Variants in CYP2C8 observed in about 807,000 individuals in gnomAD.
The protein encoded by CYP2C8 is cytochrome P450 family 2 subfamily C member 8.
In CYP2C8, 51 loss-of-function variants were observed where a neutral mutation model predicts 41.3. The observed-to-expected ratio is 1.24, with a 90% CI of 0.99 to 1.56. The LOEUF is 1.56. CYP2C8 is among the 40% of genes most tolerant of loss of function. CYP2C8 has a pLI of 0.00. For missense variants in CYP2C8, 651 were observed against 579.9 expected (o/e 1.12, Z -1.26); for synonymous variants, 218 against 205.8 (o/e 1.06, Z -0.51).
intron 8 of CYP2C8, among the ~76,000 whole-genome samples, chr10:95,038,214 C>T (rs973871973): frequency 3.9e-5 from 6 of 152,196 alleles, no homozygotes; most frequent in African/African-American, 1.4e-4. Context: ...TCTGGAATCA[C>T]TGCAAAATAA....
intron 5 of CYP2C8, among the ~76,000 whole-genome samples, chr10:95,055,365 A>C (rs1273595273): frequency 6.6e-6 from 1 of 152,122 alleles, no homozygotes; most frequent in Non-Finnish European, 1.5e-5. Flanking sequence ...TTTCAAAAAA[A>C]AATAAATAAA....
intron 5 of CYP2C8, among the ~76,000 whole-genome samples, chr10:95,051,386 T>G (rs1236892928): frequency 1.3e-5 from 2 of 152,040 alleles, no homozygotes; most frequent in Non-Finnish European, 1.5e-5. Flanking sequence ...AATGCAAATC[T>G]AAGAGTTATT....
At chr10:95,066,151 A>AGTGTGTGTGT (rs1156290511) in intron 3 of CYP2C8, among the ~76,000 whole-genome samples, 5 of 82,786 alleles carry the variant, frequency 6.0e-5, no homozygotes, top group African/African-American at 2.1e-4. Context: ...AGAGAGAGAG[A>AGTGTGTGTGT]GAGTGTGTGT....
In CYP2C8 at chr10:95,037,018, G is replaced by T; in HGVS notation, c.*110C>A. The T allele has an allele frequency of 9.7e-7, 1 of 1,035,738 alleles. No individual in the cohort carries two copies. The highest frequency in any genetic ancestry group is 1.9e-5 in the Admixed American group (1 of 53,200). The allele number at this position is 1,035,738 out of a possible 1,614,324, so 64.2% of individuals were successfully genotyped here. ...TTTGGATGCTTATGGGATATTGAGTGAATGGGAAGATTTGATGAGAGGTCA... is the reference window on the plus strand; with the variant it reads ...TTTGGATGCTTATGGGATATTGAGTTAATGGGAAGATTTGATGAGAGGTCA... On this transcript the variant is annotated 3_prime_UTR_variant, in exon 9 of 9. Coordinates refer to ENST00000371270, the MANE Select transcript of CYP2C8 (RefSeq NM_000770.3).
chr10:95,049,778 G>A (rs564195580), intron 5 of CYP2C8, among the ~76,000 whole-genome samples: 2 of 152,080 alleles, frequency 1.3e-5, no homozygotes, highest in South Asian at 4.1e-4. Context: ...CTGGGGATGG[G>A]TAAGGGAGTG....
intron 5 of CYP2C8, among the ~76,000 whole-genome samples, chr10:95,053,521 G>A (rs2033250188): frequency 6.6e-6 from 1 of 152,086 alleles, no homozygotes. Context: ...CAACCCAAAT[G>A]CCCATCAGTG....
intron 5 of CYP2C8, among the ~76,000 whole-genome samples, chr10:95,054,169 A>G (rs1014247110): frequency 3.3e-5 from 5 of 152,054 alleles, no homozygotes; most frequent in Non-Finnish European, 7.4e-5. Context: ...AGCAACTTGT[A>G]TATTATGGAT....
intron 7 of CYP2C8, among the ~76,000 whole-genome samples, chr10:95,041,787 CAAAAAAAAAAA>C (rs60326519): frequency 4.8e-5 from 4 of 83,160 alleles, no homozygotes; most frequent in East Asian, 3.9e-4. Context: ...GACTCCGTCT[CAAAAAAAAAAA>C]AAAAAAAAAA....
At chr10:95,038,700 C>A (rs947275793) in intron 8 of CYP2C8, among the ~76,000 whole-genome samples, 197 bp downstream of exon 8, 1 of 152,138 alleles carries the variant, frequency 6.6e-6, no homozygotes, top group Non-Finnish European at 1.5e-5. Flanking sequence ...ACAGAGTTAA[C>A]TCCTGCAAGC....
Position 95,041,477 on chromosome 10 carries a change from T to C in CYP2C8, c.1149+1413A>G, listed in dbSNP as rs1264031166. On this transcript the variant is annotated intron_variant, in intron 7 of 8. Coordinates refer to ENST00000371270, the MANE Select transcript of CYP2C8 (RefSeq NM_000770.3). The stretch of plus-strand genomic sequence containing the variant: ...TTTAGAACAGCCAGAAGGAAGTTAC[T>C]GGCTTTTAAAAAATCTGTGCAAGGC... Among the ~76,000 whole-genome samples, 3 of 152,340 alleles carry C rather than the reference T, an allele frequency of 2.0e-5. No homozygotes were observed. The South Asian group carries it at 6.2e-4, about 32-fold the overall frequency.
intron 6 of CYP2C8, among the ~76,000 whole-genome samples, chr10:95,045,258 CT>C (rs1303762157): frequency 6.6e-6 from 1 of 152,186 alleles, no homozygotes; most frequent in African/African-American, 2.4e-5. Context: ...ATGAAACACA[CT>C]CCTAGAATAA....
At chr10:95,051,040 C>T (rs2033206253) in intron 5 of CYP2C8, among the ~76,000 whole-genome samples, 1 of 152,140 alleles carries the variant, frequency 6.6e-6, no homozygotes, top group African/African-American at 2.4e-5. Flanking sequence ...GATGTGTGAT[C>T]TTTCAGCCAG....
At chr10:95,068,057 T>C (rs972306613) in intron 1 of CYP2C8, among the ~76,000 whole-genome samples, 2 of 152,212 alleles carry the variant, frequency 1.3e-5, no homozygotes, top group African/African-American at 2.4e-5. Context: ...CTGGAATCTC[T>C]GCTAATTTAA....
chr10:95,044,643 G>A (rs1195958956), intron 6 of CYP2C8, among the ~76,000 whole-genome samples: 2 of 151,956 alleles, frequency 1.3e-5, no homozygotes, highest in Non-Finnish European at 2.9e-5. Flanking sequence ...ACATCTCACA[G>A]TTTCCTGGCC....
intron 5 of CYP2C8, among the ~76,000 whole-genome samples, chr10:95,057,980 C>A (rs2033343525): frequency 6.6e-6 from 1 of 152,168 alleles, no homozygotes; most frequent in African/African-American, 2.4e-5. Flanking sequence ...ATAAGCCATT[C>A]TTTTCCATTG....
At chr10:95,066,153 A>AGAGAGAGTGT (rs1342809282) in intron 3 of CYP2C8, among the ~76,000 whole-genome samples, 3,213 of 88,118 alleles carry the variant, frequency 0.036, 88 homozygotes, top group Non-Finnish European at 0.061. Flanking sequence ...AGAGAGAGAG[A>AGAGAGAGTGT]GTGTGTGTGT....
At chr10:95,068,583 T>C in intron 1 of CYP2C8, 1 of 1,288,130 alleles carries the variant, frequency 7.8e-7, no homozygotes, top group Non-Finnish European at 1.0e-6. Flanking sequence ...AAATTTCTAA[T>C]CACACACACT....
At chr10:95,060,083 C>T (rs2134431228) in intron 4 of CYP2C8, among the ~76,000 whole-genome samples, 1 of 152,280 alleles carries the variant, frequency 6.6e-6, no homozygotes, top group South Asian at 2.1e-4. Flanking sequence ...AGCCTGATGC[C>T]TCCAGCTTTG....
chr10:95,041,896 G>A (rs552096233), intron 7 of CYP2C8, among the ~76,000 whole-genome samples: 1 of 152,062 alleles, frequency 6.6e-6, no homozygotes, highest in Non-Finnish European at 1.5e-5. Context: ...GAAGGTACAG[G>A]AGTCTGATCA....
Sources: gnomAD v4.1 joint callset for allele counts (sites outside exome capture counted in the v4.1 genomes callset) on GRCh38, gnomAD v4.1.1 for gene constraint, MANE v1.5 for transcripts, NCBI Gene and HGNC (gene_info 2026-07-23, HGNC 2026-07-21) for gene names.